Variants in NARF observed in about 807,000 individuals in gnomAD.
NARF encodes nuclear prelamin A recognition factor, also known as iron-only hydrogenase-like protein 2.
In NARF, 41 loss-of-function variants were observed where a neutral mutation model predicts 48.0. The observed-to-expected ratio is 0.85, with a 90% CI of 0.66 to 1.11. NARF has a LOEUF of 1.11. NARF is among the 50% of genes least tolerant of loss of function. The pLI is 0.00. For missense variants in NARF, 613 were observed against 590.2 expected (o/e 1.04, Z -0.40); for synonymous variants, 215 against 225.5 (o/e 0.95, Z 0.42).
rs368573971 is a variant in NARF at position 82,488,539 on chromosome 17, T to C, written c.*382T>C. ...TAACGCGCACACCACCATGCCCAGC[T>C]AATTTTTGTATTTTTAGTAGAGATG... On this transcript the variant is annotated 3_prime_UTR_variant, in exon 11 of 11. Coordinates refer to ENST00000309794, the MANE Select transcript of NARF (RefSeq NM_012336.4). 1.4e-4 allele frequency: 25 copies of C among 178,160 alleles called. 1 individual carries two copies. The South Asian group carries it at 2.8e-3, about 20-fold the overall frequency. 11.0% of individuals were successfully genotyped at this position (178,160 alleles called of 1,614,324 possible). A position where few individuals can be genotyped will look rare whatever the true frequency, so the allele number is the denominator to read the frequency against.
intron 5 of NARF, among the ~76,000 whole-genome samples, chr17:82,477,363 A>G (rs1390154073): frequency 6.6e-6 from 1 of 151,704 alleles, no homozygotes; most frequent in Non-Finnish European, 1.5e-5. Context: ...AATTGGCCAC[A>G]CACGGTGGCG....
chr17:82,464,060 T>C (rs2043502064), intron 2 of NARF: 1 of 503,452 alleles, frequency 2.0e-6, no homozygotes, highest in Non-Finnish European at 3.5e-6. Context: ...ATCTGCATGG[T>C]TCCCTAGTGT....
chr17:82,464,894 A>G (rs1473336145), intron 3 of NARF, among the ~76,000 whole-genome samples: 4 of 152,244 alleles, frequency 2.6e-5, no homozygotes, highest in African/African-American at 9.6e-5. Flanking sequence ...TCATCCCTGC[A>G]GACCTCCTAT....
At chr17:82,483,335 C>G in intron 7 of NARF, 1 of 308,546 alleles carries the variant, frequency 3.2e-6, no homozygotes, top group Non-Finnish European at 6.5e-6. Flanking sequence ...AAAAAAAATG[C>G]AACCAGTGTA....
chr17:82,465,412 G>T (rs1015251285), intron 3 of NARF, among the ~76,000 whole-genome samples: 2 of 152,176 alleles, frequency 1.3e-5, no homozygotes, highest in African/African-American at 4.8e-5. Context: ...CCTGCCCAGG[G>T]TGTAGGAGCC....
At chr17:82,483,688 T>C (rs2044026443) in intron 7 of NARF, 28 bp from the exon 8 acceptor site, 3 of 1,612,348 alleles carry the variant, frequency 1.9e-6, no homozygotes, top group Non-Finnish European at 2.5e-6. Flanking sequence ...CCTGTGTCTT[T>C]TCAGTGTCTT....
At chr17:82,467,603 C>G (rs958443720) in intron 3 of NARF, among the ~76,000 whole-genome samples, 32 of 152,208 alleles carry the variant, frequency 2.1e-4, no homozygotes, top group African/African-American at 7.7e-4. Context: ...CTCCCGGGTT[C>G]AAGCGATTCT....
At chr17:82,460,231 G>A (rs982632526) in intron 2 of NARF, 159 bp downstream of exon 2, 5 of 558,162 alleles carry the variant, frequency 9.0e-6, no homozygotes, top group African/African-American at 3.8e-5. Context: ...TTGGGAGGCC[G>A]AGGTGGACGG....
chr17:82,487,461 C>T (rs1189612589), intron 10 of NARF, among the ~76,000 whole-genome samples: 1 of 146,688 alleles, frequency 6.8e-6, no homozygotes, highest in Non-Finnish European at 1.5e-5. Context: ...TCCAGCCTGA[C>T]CAATGGAGAG....
intron 2 of NARF, 79 bp downstream of exon 2, chr17:82,460,151 G>C (rs145546800): frequency 9.1e-5 from 111 of 1,223,126 alleles, no homozygotes; most frequent in Non-Finnish European, 1.2e-4. Flanking sequence ...TCACAGCACC[G>C]TGCACATCAC....
intron 3 of NARF, 54 bp from the exon 4 acceptor site, chr17:82,468,709 CT>C: frequency 6.3e-7 from 1 of 1,583,082 alleles, no homozygotes; most frequent in Non-Finnish European, 8.6e-7. Context: ...AGGTGTGTAA[CT>C]TTTACTCCTT....
Position 82,479,295 on chromosome 17 carries a change from G to A in NARF, c.639+377G>A, listed in dbSNP as rs558081765. On this transcript the variant is annotated intron_variant, in intron 6 of 10. Transcript: ENST00000309794. ...GGAGGCCTAAAGTGGCCTGTGCCTG[G>A]AGGCTGAGGGCAGCTGTCATTTAGG... The A allele has an allele frequency of 2.3e-5, 4 of 176,536 alleles. No homozygotes were observed. In the South Asian group the frequency reaches 4.7e-4, roughly 21 times the overall value. 10.9% of individuals were successfully genotyped at this position (176,536 alleles called of 1,614,324 possible).
chr17:82,473,005 A>C (rs1189733474), intron 5 of NARF, among the ~76,000 whole-genome samples: 1 of 151,712 alleles, frequency 6.6e-6, no homozygotes, highest in Non-Finnish European at 1.5e-5. Flanking sequence ...CAGTGGCACG[A>C]TCTCGGCTCA....
intron 2 of NARF, among the ~76,000 whole-genome samples, chr17:82,462,419 C>A (rs568643462): frequency 2.6e-5 from 4 of 152,124 alleles, no homozygotes; most frequent in Non-Finnish European, 4.4e-5. Context: ...TGGAGGTAAC[C>A]GACTTAAGCT....
intron 7 of NARF, 78 bp from the exon 8 acceptor site, chr17:82,483,638 T>A (rs1311716212): frequency 1.5e-6 from 2 of 1,377,542 alleles, no homozygotes; most frequent in African/African-American, 2.8e-5. Flanking sequence ...GGGTCACTAA[T>A]GTCAAATCTC....
chr17:82,478,569 A>AGG (rs747148073), intron 5 of NARF: 242 of 624,936 alleles, frequency 3.9e-4, no homozygotes, highest in Non-Finnish European at 6.4e-4. Flanking sequence ...TCGGCCTTGC[A>AGG]GGGATGCTCC....
rs947522275 is a variant in NARF at position 82,488,675 on chromosome 17, T to G, written c.*518T>G. The G allele has an allele frequency of 3.8e-5, 6 of 156,920 alleles. No homozygotes were observed. The highest frequency in any genetic ancestry group is 1.4e-4 in the African/African-American group (6 of 41,450). The allele number at this position is 156,920 out of a possible 1,614,324, so 9.7% of individuals were successfully genotyped here. ...GGCATGAGCCACCGTGCCTGGCAGA[T>G]TGGAACGTTTTAACATGAGAGGAGC... On this transcript the variant is annotated 3_prime_UTR_variant, in exon 11 of 11. Transcript: ENST00000309794.
rs748630510 is a variant in NARF, at chr17:82,460,040, G to A, written c.76G>A (p.Asp26Asn). The A allele has an allele frequency of 2.4e-5, 38 of 1,613,900 alleles. No individual in the cohort carries two copies. The highest frequency in any genetic ancestry group is 1.8e-4 in the East Asian group (8 of 44,896). Reference sequence around the variant, plus strand: ...TGATGACCAAGAGAATGTGTCAGCCGATGCACCGAGTCCAGCCCAGGAAAA... The same window carrying A: ...TGATGACCAAGAGAATGTGTCAGCCAATGCACCGAGTCCAGCCCAGGAAAA... ...KTDDQENVSA[D>N]APSPAQENGE... The change falls in exon 2 of 11, where the codon GAT becomes AAT. Residue 26 changes from aspartate to asparagine, a missense_variant. Physicochemically the swap from Asp to Asn is conservative, Grantham distance 23 (BLOSUM62 1). Coordinates refer to ENST00000309794, the MANE Select transcript of NARF (RefSeq NM_012336.4).
At position 82,490,161 on chromosome 17, in the gene NARF, A is replaced by C. The variant is rs1306934509; in HGVS notation, c.*2004A>C. 1 of 152,272 alleles carries C rather than the reference A, an allele frequency of 6.6e-6. No homozygotes were observed. Among genetic ancestry groups the C allele is most frequent in the Non-Finnish European group, 1.5e-5 (1 of 68,076 alleles). 9.4% of individuals were successfully genotyped at this position (152,272 alleles called of 1,614,324 possible). A position where few individuals can be genotyped will look rare whatever the true frequency, so the allele number is the denominator to read the frequency against. On this transcript the variant is annotated 3_prime_UTR_variant, in exon 11 of 11. Coordinates refer to ENST00000309794, the MANE Select transcript of NARF (RefSeq NM_012336.4). ...TTTTTTAAAAAGGAGAAAGCAGTTT[A>C]ACCACAAACAGTGAAACAGAGCTGG...
Sources: gnomAD v4.1 joint callset for allele counts (sites outside exome capture counted in the v4.1 genomes callset) on GRCh38, gnomAD v4.1.1 for gene constraint, MANE v1.5 for transcripts, NCBI Gene and HGNC (gene_info 2026-07-23, HGNC 2026-07-21) for gene names.